The following MYO9A variants were observed in gnomAD, a reference collection of about 807,000 sequenced individuals.
MYO9A encodes myosin IXA, also known as unconventional myosin-IXa.
MYO9A carries 103 observed loss-of-function variants against 293.3 expected under a neutral mutation model. The ratio of observed to expected loss-of-function variants is 0.35; its 90% CI spans 0.30 to 0.41. The LOEUF is 0.41. Ranked by LOEUF, MYO9A falls within the 10% of genes least tolerant of loss-of-function variation. The probability of loss-of-function intolerance (pLI) is 1.00; values close to 1 mark genes in which losing one functional copy is unlikely to be tolerated. For missense variants in MYO9A, 2,685 were observed against 3,033.0 expected (o/e 0.89, Z 2.69); for synonymous variants, 1,001 against 1,035.7 (o/e 0.97, Z 0.64).
intron 6 of MYO9A, among the ~76,000 whole-genome samples, chr15:72,014,178 T>G (rs28455109): frequency 0.024 from 3,675 of 152,286 alleles, 143 homozygotes; most frequent in African/African-American, 0.084. Context: ...GCAAGCAGCA[T>G]TGGCTCACAA....
intron 14 of MYO9A, among the ~76,000 whole-genome samples, chr15:71,952,953 T>C (rs1408247416): frequency 1.3e-5 from 2 of 152,154 alleles, no homozygotes; most frequent in Non-Finnish European, 2.9e-5. Flanking sequence ...ATTGGATTTA[T>C]ATATCCAGAG....
Position 71,971,092 on chromosome 15 carries a change from C to T in MYO9A, c.1845-2967G>A, listed in dbSNP as rs201860943. On this transcript the variant is annotated intron_variant, in intron 12 of 41. Transcript: ENST00000356056. The stretch of plus-strand genomic sequence containing the variant: ...AGCAGAATGGCATTAACCCGGGAAG[C>T]AGAGCTTGCAGTGAGCTGAGATCGT... 3.6e-4 allele frequency among the ~76,000 whole-genome samples: 55 copies of T among 151,416 alleles called. 1 individual carries two copies. The East Asian group carries it at 0.011, about 30-fold the overall frequency.
In MYO9A at chr15:71,878,417, G is replaced by A. The variant is rs373639647; in HGVS notation, c.5740-186C>T. Among the ~76,000 whole-genome samples the A allele has an allele frequency of 4.6e-5, 7 of 152,238 alleles. No homozygotes were observed. In the East Asian group the frequency reaches 9.6e-4, roughly 21 times the overall value. On this transcript the variant is annotated intron_variant, in intron 30 of 41. Transcript: ENST00000356056. Reference sequence around the variant, plus strand: ...CCCATTCTAGTATGGGATGAATGCAGAATCAAACATGCTAAATTTTAGTAA... The same window carrying A: ...CCCATTCTAGTATGGGATGAATGCAAAATCAAACATGCTAAATTTTAGTAA...
chr15:72,041,249 C>A, intron 2 of MYO9A: 1 of 1,335,768 alleles, frequency 7.5e-7, no homozygotes, highest in South Asian at 1.2e-5. Flanking sequence ...TGACAGACAC[C>A]TGTACATCTT....
chr15:72,103,732 GTAT>G (rs2080474095), intron 1 of MYO9A, among the ~76,000 whole-genome samples: 1 of 152,202 alleles, frequency 6.6e-6, no homozygotes, highest in African/African-American at 2.4e-5. Flanking sequence ...TATACACATA[GTAT>G]TATTATATGC....
chr15:71,990,129 G>C (rs562644233), intron 11 of MYO9A, among the ~76,000 whole-genome samples: 274 of 148,432 alleles, frequency 1.8e-3, no homozygotes, highest in Non-Finnish European at 3.4e-3. Context: ...CTGTTGCCCA[G>C]TCTGGCATGC....
intron 3 of MYO9A, among the ~76,000 whole-genome samples, chr15:72,028,218 A>AATATATATATATATATATATAT (rs33914430): frequency 3.0e-5 from 4 of 134,228 alleles, no homozygotes; most frequent in South Asian, 4.7e-4. Flanking sequence ...TAAATAAATA[A>AATATATATATATATATATATAT]ATATATATAT....
chr15:71,964,459 C>T, intron 13 of MYO9A, among the ~76,000 whole-genome samples: 1 of 151,884 alleles, frequency 6.6e-6, no homozygotes. Flanking sequence ...CCAGCCTAGC[C>T]AACATGGCGA....
At chr15:72,027,592 C>T in intron 4 of MYO9A, 139 bp downstream of exon 4, 1 of 632,354 alleles carries the variant, frequency 1.6e-6, no homozygotes, top group South Asian at 2.3e-5. Context: ...AAGTTCTGCC[C>T]ATGACAGAAA....
At chr15:72,097,488 G>A (rs138427672) in intron 1 of MYO9A, among the ~76,000 whole-genome samples, 231 of 151,868 alleles carry the variant, frequency 1.5e-3, no homozygotes, top group African/African-American at 4.9e-3. Flanking sequence ...AGTCTTATAC[G>A]CAATGGGAAA....
chr15:71,875,857 A>C lies in MYO9A; in HGVS notation c.5932-19T>G. ...TTGGCACCTGACAGGGGGACAGGAG[A>C]TATATGGAAATTGTGATAACAAAGA... On this transcript the variant is annotated intron_variant, in intron 31 of 41. Transcript: ENST00000356056. The C allele has an allele frequency of 7.6e-7, 1 of 1,310,618 alleles. No individual in the cohort carries two copies. Among genetic ancestry groups the C allele is most frequent in the Non-Finnish European group, 9.9e-7 (1 of 1,013,344 alleles). The allele number at this position is 1,310,618 out of a possible 1,614,324, so 81.2% of individuals were successfully genotyped here.
At chr15:71,929,938 T>C (rs2058429059) in intron 18 of MYO9A, among the ~76,000 whole-genome samples, 1 of 152,228 alleles carries the variant, frequency 6.6e-6, no homozygotes, top group Non-Finnish European at 1.5e-5. Flanking sequence ...ATCAGGGTAA[T>C]GCTGGCCTTA....
chr15:71,853,701 C>G (rs1567198746), intron 35 of MYO9A, among the ~76,000 whole-genome samples: 1 of 152,136 alleles, frequency 6.6e-6, no homozygotes, highest in Non-Finnish European at 1.5e-5. Context: ...AGAATGAAAC[C>G]AGAGTCAGTC....
intron 34 of MYO9A, among the ~76,000 whole-genome samples, chr15:71,859,404 A>G (rs149417522): frequency 5.6e-4 from 86 of 152,344 alleles, no homozygotes; most frequent in African/African-American, 2.0e-3. Context: ...AGCTTACTGC[A>G]TTAAGGATAA....
At position 72,099,434 on chromosome 15, in the gene MYO9A, A is replaced by G. The variant is rs1462102223; in HGVS notation, c.-72+18246T>C. Among the ~76,000 whole-genome samples, 98 of 149,544 alleles carry G rather than the reference A, an allele frequency of 6.6e-4. 1 individual carries two copies. Among genetic ancestry groups the G allele is most frequent in the African/African-American group, 2.3e-3 (95 of 40,892 alleles). On this transcript the variant is annotated intron_variant, in intron 1 of 41. Transcript: ENST00000356056. ...CAAGACCCTGCCCCAAAAAAAAAAA[A>G]AAAAAAAAGAAAAAAAAATTAGCCA... is the stretch of plus-strand genomic sequence containing the variant.
At position 72,105,972 on chromosome 15, in the gene MYO9A, T is replaced by C. The variant is rs576573454; in HGVS notation, c.-72+11708A>G. Among the ~76,000 whole-genome samples, 5 of 152,230 alleles carry C rather than the reference T, an allele frequency of 3.3e-5. No individual in the cohort carries two copies. In the South Asian group the frequency reaches 6.2e-4, roughly 19 times the overall value. On this transcript the variant is annotated intron_variant, in intron 1 of 41. Coordinates refer to ENST00000356056, the MANE Select transcript of MYO9A (RefSeq NM_006901.4). ...GTAAAAAAGAATGAGAAACATCTTA[T>C]ATACCAATACGAAGTCCTCTCCAGC...
chr15:71,980,825 G>A (rs946166085), intron 11 of MYO9A, among the ~76,000 whole-genome samples: 3 of 152,154 alleles, frequency 2.0e-5, no homozygotes, highest in South Asian at 2.1e-4. Context: ...GCTGCAGAGC[G>A]AGACTCTGTC....
At chr15:71,890,310 A>G (rs1233001421) in intron 26 of MYO9A, 1 of 152,212 alleles carries the variant, frequency 6.6e-6, no homozygotes, top group African/African-American at 2.4e-5. Context: ...TTACTATGCT[A>G]GAAGTAATGA....
At chr15:72,028,234 TATATAA>T (rs1346371703) in intron 3 of MYO9A, among the ~76,000 whole-genome samples, 7 of 145,600 alleles carry the variant, frequency 4.8e-5, no homozygotes, top group Non-Finnish European at 9.0e-5. Flanking sequence ...TATATATATA[TATATAA>T]ATATATATAT....
Sources: gnomAD v4.1 joint callset for allele counts (sites outside exome capture counted in the v4.1 genomes callset) on GRCh38, gnomAD v4.1.1 for gene constraint, MANE v1.5 for transcripts, NCBI Gene and HGNC (gene_info 2026-07-23, HGNC 2026-07-21) for gene names.